Variants in GABBR2 observed in about 807,000 individuals in gnomAD.
GABBR2 encodes the protein G-protein coupled receptor 51.
A neutral mutation model predicts 105.6 loss-of-function variants in GABBR2; 23 were observed. The observed-to-expected ratio is 0.22, with a 90% CI of 0.16 to 0.31. GABBR2 has a LOEUF of 0.31. Among genes scored for constraint, GABBR2 ranks in the 10% least tolerant of loss-of-function variants. GABBR2 has a pLI of 1.00. For missense variants in GABBR2, 734 were observed against 1,245.5 expected (o/e 0.59, Z 6.18); for synonymous variants, 478 against 499.7 (o/e 0.96, Z 0.58).
intron 3 of GABBR2, 109 bp from the exon 4 acceptor site, chr9:98,496,623 G>C: frequency 1.4e-6 from 1 of 737,276 alleles, no homozygotes; most frequent in Non-Finnish European, 2.4e-6. Flanking sequence ...TTTCTCTACC[G>C]ACAATGCAAA....
In GABBR2 at chr9:98,640,711, G is replaced by C. The variant is rs544811908; in HGVS notation, c.322-62639C>G. On this transcript the variant is annotated intron_variant, in intron 1 of 18. Transcript: ENST00000259455. ...CCCCTGGAGAGGAGGAGGAGGGTAA[G>C]GCATCTTGGAGGACTTCATGGAGGA... Among the ~76,000 whole-genome samples, 4 of 152,258 alleles carry C rather than the reference G, an allele frequency of 2.6e-5. No individual in the cohort carries two copies. The East Asian group carries it at 7.7e-4, about 29-fold the overall frequency.
At chr9:98,504,144 C>T (rs1827460089) in intron 3 of GABBR2, among the ~76,000 whole-genome samples, 1 of 152,164 alleles carries the variant, frequency 6.6e-6, no homozygotes, top group Non-Finnish European at 1.5e-5. Context: ...CCTTCTACTC[C>T]TGGCCCTTAG....
In GABBR2 at chr9:98,607,830, G is replaced by A. The variant is rs182114036; in HGVS notation, c.322-29758C>T. 1,007 of 1,002,008 alleles carry A rather than the reference G, an allele frequency of 1.0e-3. 8 individuals are homozygous for A. The highest frequency in any genetic ancestry group is 3.8e-3 in the South Asian group (279 of 73,648). The allele number at this position is 1,002,008 out of a possible 1,614,324, so 62.1% of individuals were successfully genotyped here. A position where few individuals can be genotyped will look rare whatever the true frequency, so the allele number is the denominator to read the frequency against. On this transcript the variant is annotated intron_variant, in intron 1 of 18. Coordinates refer to ENST00000259455, the MANE Select transcript of GABBR2 (RefSeq NM_005458.8). ...AAGGGCAGCTGACCAAGAGCCCTCC[G>A]GCACAAATGGAAGAAGAAAGAAGGG...
At chr9:98,558,581 C>G (rs1303131492) in intron 2 of GABBR2, among the ~76,000 whole-genome samples, 1 of 152,198 alleles carries the variant, frequency 6.6e-6, no homozygotes, top group Non-Finnish European at 1.5e-5. Flanking sequence ...ATTCGCTTCT[C>G]CACATTGCCT....
At chr9:98,370,770 G>C (rs763885332) in intron 12 of GABBR2, among the ~76,000 whole-genome samples, 1 of 152,170 alleles carries the variant, frequency 6.6e-6, no homozygotes, top group African/African-American at 2.4e-5. Flanking sequence ...GAGTTAAAGA[G>C]GACAGTGGTG....
intron 12 of GABBR2, among the ~76,000 whole-genome samples, chr9:98,367,503 G>A (rs1199229776): frequency 6.6e-6 from 1 of 152,090 alleles, no homozygotes; most frequent in Non-Finnish European, 1.5e-5. Flanking sequence ...TGTTGAATGG[G>A]TATGGAGTTT....
chr9:98,291,504 G>A (rs965673958), intron 18 of GABBR2, among the ~76,000 whole-genome samples: 5 of 152,074 alleles, frequency 3.3e-5, no homozygotes, highest in African/African-American at 1.2e-4. Flanking sequence ...GCCCAGGACC[G>A]CATCTCTTCT....
intron 13 of GABBR2, among the ~76,000 whole-genome samples, chr9:98,324,502 ACACACACAC>A (rs1830884708): frequency 2.1e-5 from 1 of 47,522 alleles, no homozygotes; most frequent in African/African-American, 9.4e-5. Flanking sequence ...CGACACACAC[ACACACACAC>A]ACACACACAC....
intron 1 of GABBR2, among the ~76,000 whole-genome samples, chr9:98,601,576 T>C (rs1229262508): frequency 2.6e-5 from 4 of 152,176 alleles, no homozygotes; most frequent in African/African-American, 9.6e-5. Context: ...TAATGTCTGC[T>C]ATCACCACAA....
chr9:98,484,528 G>GAGC (rs1397127329), intron 4 of GABBR2, among the ~76,000 whole-genome samples: 1 of 152,082 alleles, frequency 6.6e-6, no homozygotes. Context: ...AAGGAAGGAG[G>GAGC]AGCAGCCCGG....
At chr9:98,558,331 G>GT (rs202048547) in intron 2 of GABBR2, among the ~76,000 whole-genome samples, 1,717 of 152,312 alleles carry the variant, frequency 0.011, 30 homozygotes, top group African/African-American at 0.039. Context: ...AACCTATGCC[G>GT]TATCACCAGT....
At chr9:98,440,447 C>A (rs780459514) in intron 7 of GABBR2, among the ~76,000 whole-genome samples, 17 of 152,276 alleles carry the variant, frequency 1.1e-4, no homozygotes, top group Middle Eastern at 6.8e-3. Context: ...CACTCTTAAC[C>A]ATTTCATACC....
intron 13 of GABBR2, among the ~76,000 whole-genome samples, chr9:98,349,344 G>GTTTTTTTTTTTTTTTTTTTT (rs1564026872): frequency 9.5e-5 from 10 of 105,504 alleles, no homozygotes; most frequent in South Asian, 3.1e-4. Context: ...TTTTGTTGAA[G>GTTTTTTTTTTTTTTTTTTTT]TTTTGTTTTT....
At chr9:98,435,575 C>T (rs1334028129) in intron 7 of GABBR2, among the ~76,000 whole-genome samples, 2 of 152,192 alleles carry the variant, frequency 1.3e-5, no homozygotes, top group African/African-American at 2.4e-5. Flanking sequence ...AAACAGCAGT[C>T]AGGTTGCTCC....
At chr9:98,465,653 GACAGAGA>G (rs1454167922) in intron 6 of GABBR2, among the ~76,000 whole-genome samples, 4 of 152,202 alleles carry the variant, frequency 2.6e-5, no homozygotes, top group African/African-American at 7.2e-5. Flanking sequence ...TATAATGGAA[GACAGAGA>G]ACATCAAAAC....
intron 1 of GABBR2, among the ~76,000 whole-genome samples, chr9:98,610,077 C>T (rs978656847): frequency 2.0e-5 from 3 of 152,196 alleles, no homozygotes; most frequent in African/African-American, 4.8e-5. Context: ...GCGCCCCTCT[C>T]CCAGATGCCT....
At chr9:98,510,622 T>C (rs920245517) in intron 3 of GABBR2, among the ~76,000 whole-genome samples, 17 of 151,842 alleles carry the variant, frequency 1.1e-4, no homozygotes, top group African/African-American at 4.1e-4. Flanking sequence ...GTTGCAATCC[T>C]AGTCTCTGAT....
At chr9:98,474,027 C>G (rs1464532962) in intron 5 of GABBR2, among the ~76,000 whole-genome samples, 6 of 152,284 alleles carry the variant, frequency 3.9e-5, no homozygotes, top group Non-Finnish European at 7.4e-5. Context: ...GAATCTTTAT[C>G]CAAAACACAG....
chr9:98,607,594 AATG>A, intron 1 of GABBR2: 5 of 686,222 alleles, frequency 7.3e-6, no homozygotes, highest in Non-Finnish European at 2.6e-6. Flanking sequence ...CATCAAAGTT[AATG>A]GCAAAATGAT....
Sources: gnomAD v4.1 joint callset for allele counts (sites outside exome capture counted in the v4.1 genomes callset) on GRCh38, gnomAD v4.1.1 for gene constraint, MANE v1.5 for transcripts, NCBI Gene and HGNC (gene_info 2026-07-23, HGNC 2026-07-21) for gene names.